OR4Q3: variants seen among roughly 807,000 people sequenced by gnomAD.
OR4Q3 encodes the protein olfactory receptor family 4 subfamily Q member 3, also known as olfactory receptor 4Q3.
A neutral mutation model predicts 18.8 loss-of-function variants in OR4Q3; 17 were observed. That is an observed-to-expected ratio of 0.91 (90% CI 0.62 to 1.36). The LOEUF is 1.36. OR4Q3 is among the 40% of genes most tolerant of loss of function. The probability of loss-of-function intolerance (pLI) is 0.00; values close to 1 mark genes in which losing one functional copy is unlikely to be tolerated. For synonymous variants in OR4Q3, 158 were observed against 145.8 expected (o/e 1.08, Z -0.60); for missense variants, 378 against 373.4 (o/e 1.01, Z -0.10).
At chr14:19,747,365 C>G in intron 1 of OR4Q3, 41 bp from the exon 2 acceptor site, 1 of 1,114,284 alleles carries the variant, frequency 9.0e-7, no homozygotes, top group African/African-American at 1.6e-5. Context: ...ACATATATAT[C>G]TACCTTAAAT....
chr14:19,751,513 G>C, downstream of OR4Q3, among the ~76,000 whole-genome samples: 1 of 150,316 alleles, frequency 6.7e-6, no homozygotes, highest in African/African-American at 2.4e-5. Context: ...TCTGGTCCTG[G>C]GCTTTTTTTG....
chr14:19,749,241 G>A, exon 2 of OR4Q3: 1 of 152,234 alleles, frequency 6.6e-6, no homozygotes, highest in African/African-American at 2.4e-5. Context: ...CATGCTTTGA[G>A]GAATAAATTT....
At chr14:19,752,094 T>G, downstream of OR4Q3, among the ~76,000 whole-genome samples, 2 of 152,234 alleles carry the variant, frequency 1.3e-5, no homozygotes, top group Admixed American at 6.5e-5. Context: ...GGACATATTT[T>G]TCTTGACATT....
chr14:19,746,932 A>C, intron 1 of OR4Q3, among the ~76,000 whole-genome samples: 20 of 152,352 alleles, frequency 1.3e-4, no homozygotes, highest in Middle Eastern at 3.4e-3. Context: ...GCACATAGGC[A>C]TTACATTTGA....
chr14:19,749,604 CAAAAAAAAAAAAA>C, downstream of OR4Q3: 9 of 34,572 alleles, frequency 2.6e-4, no homozygotes, highest in South Asian at 1.1e-3. Flanking sequence ...GGTCTCAAAG[CAAAAAAAAAAAAA>C]AAAAAAAAAA....
chr14:19,748,610 A>G, exon 2 of OR4Q3: 2 of 476,454 alleles, frequency 4.2e-6, no homozygotes. Flanking sequence ...CTGGCCACAA[A>G]CGATAACAAG....
downstream of OR4Q3, among the ~76,000 whole-genome samples, chr14:19,752,245 G>C: frequency 6.6e-6 from 1 of 152,170 alleles, no homozygotes; most frequent in Non-Finnish European, 1.5e-5. Context: ...CTTACCGAAT[G>C]GGAGAAAATA....
At chr14:19,748,020 T>A in exon 2 of OR4Q3, 1 of 1,614,058 alleles carries the variant, frequency 6.2e-7, no homozygotes, top group East Asian at 2.2e-5. Flanking sequence ...GTGGTAGAGG[T>A]GCTGGTGATA....
chr14:19,749,848 TTC>T, downstream of OR4Q3, among the ~76,000 whole-genome samples: 27 of 1,864 alleles, frequency 0.014, no homozygotes, highest in African/African-American at 0.025. Flanking sequence ...TACAGATTAC[TTC>T]TTTCTTTCTT....
At position 19,748,602 on chromosome 14, in the gene OR4Q3, G is replaced by T; in HGVS notation, c.*233G>T. ...ACTCAGGAACTCAGTAGAATTTACT[G>T]GCCACAAACGATAACAAGCATTAAT... is the stretch of plus-strand genomic sequence containing the variant. On this transcript the variant is annotated 3_prime_UTR_variant, in exon 2 of 2. Coordinates refer to ENST00000642117, the Ensembl canonical transcript of OR4Q3. 8.3e-6 allele frequency: 4 copies of T among 481,728 alleles called. No homozygotes were observed. The East Asian group carries it at 1.3e-4, about 16-fold the overall frequency. 29.8% of individuals were successfully genotyped at this position (481,728 alleles called of 1,614,324 possible).
chr14:19,748,552 A>G, exon 2 of OR4Q3: 3 of 571,296 alleles, frequency 5.3e-6, no homozygotes, highest in South Asian at 2.5e-5. Flanking sequence ...AAAGCCACCT[A>G]TGCCTTTTGA....
downstream of OR4Q3, among the ~76,000 whole-genome samples, chr14:19,752,124 G>A: frequency 6.6e-6 from 1 of 152,194 alleles, no homozygotes; most frequent in Non-Finnish European, 1.5e-5. Context: ...AAAAAAATTA[G>A]CTAAGTCCCC....
chr14:19,744,506 CTG>C (rs1462214985), intron 1 of OR4Q3, among the ~76,000 whole-genome samples: 2 of 152,304 alleles, frequency 1.3e-5, no homozygotes, highest in African/African-American at 4.8e-5. Flanking sequence ...GAGAGACCAG[CTG>C]CTTAGCTGTA....
At chr14:19,743,952 T>A (rs1397697864) in intron 1 of OR4Q3, among the ~76,000 whole-genome samples, 1 of 152,208 alleles carries the variant, frequency 6.6e-6, no homozygotes, top group African/African-American at 2.4e-5. Flanking sequence ...ATTCACATAA[T>A]GGAAGGCATG....
chr14:19,750,999 A>G, downstream of OR4Q3, among the ~76,000 whole-genome samples: 3 of 152,344 alleles, frequency 2.0e-5, no homozygotes, highest in Middle Eastern at 3.4e-3. Flanking sequence ...GGTGCTAGGG[A>G]TTACCAGGCA....
At chr14:19,748,287 T>A in exon 2 of OR4Q3, 1 of 1,613,930 alleles carries the variant, frequency 6.2e-7, no homozygotes, top group Admixed American at 1.7e-5. Flanking sequence ...AACCCCCTCA[T>A]CTACACACTC....
downstream of OR4Q3, among the ~76,000 whole-genome samples, chr14:19,750,671 G>A: frequency 6.6e-6 from 1 of 152,148 alleles, no homozygotes; most frequent in South Asian, 2.1e-4. Flanking sequence ...TTTTTGTGTT[G>A]GGAGTTAATG....
At chr14:19,745,427 C>T in intron 1 of OR4Q3, among the ~76,000 whole-genome samples, 1 of 152,160 alleles carries the variant, frequency 6.6e-6, no homozygotes, top group Non-Finnish European at 1.5e-5. Context: ...GTGTACCATA[C>T]ACCTTTGGTA....
chr14:19,751,034 G>A, downstream of OR4Q3, among the ~76,000 whole-genome samples: 1 of 152,214 alleles, frequency 6.6e-6, no homozygotes, highest in Non-Finnish European at 1.5e-5. Context: ...AGAGCTCCAG[G>A]CTTTCTCTTG....
Sources: allele counts gnomAD v4.1 joint callset (sites outside exome capture counted in the v4.1 genomes callset), GRCh38; gene constraint gnomAD v4.1.1; transcripts MANE v1.5; gene names NCBI Gene and HGNC (gene_info 2026-07-23, HGNC 2026-07-21).